The following PLEKHD1 variants were observed in gnomAD, a reference collection of about 807,000 sequenced individuals.
The protein encoded by PLEKHD1 is pleckstrin homology domain-containing family D member 1.
A neutral mutation model predicts 69.2 loss-of-function variants in PLEKHD1; 51 were observed. That is an observed-to-expected ratio of 0.74 (90% CI 0.59 to 0.93). The LOEUF (loss-of-function observed/expected upper bound fraction) is 0.93, where lower values mean the gene tolerates loss of function less well. Among genes scored for constraint, PLEKHD1 ranks in the 40% least tolerant of loss-of-function variants. The pLI is 0.00. For synonymous variants in PLEKHD1, 236 were observed against 244.7 expected (o/e 0.96, Z 0.33); for missense variants, 584 against 641.0 (o/e 0.91, Z 0.96).
At chr14:69,518,016 T>G (rs1410778863) in intron 6 of PLEKHD1, among the ~76,000 whole-genome samples, 2 of 56,682 alleles carry the variant, frequency 3.5e-5, no homozygotes, top group Non-Finnish European at 8.9e-5. Flanking sequence ...ATTTATTTAT[T>G]TATTTATTTA....
rs150904894 is a variant in PLEKHD1 at position 69,528,949 on chromosome 14, A to G, written c.*530A>G. On this transcript the variant is annotated 3_prime_UTR_variant, in exon 13 of 13. Transcript: ENST00000322564. ...TCTGACACTCAGCAAAATGTCCCTC[A>G]GCTGAGACCCCTCATTTACACCACA... 865 of 156,078 alleles carry G rather than the reference A, an allele frequency of 5.5e-3. 14 individuals are homozygous for G. The highest frequency in any genetic ancestry group is 0.02 in the African/African-American group (828 of 41,584). The allele number at this position is 156,078 out of a possible 1,614,324, so 9.7% of individuals were successfully genotyped here. A position where few individuals can be genotyped will look rare whatever the true frequency, so the allele number is the denominator to read the frequency against.
intron 1 of PLEKHD1, among the ~76,000 whole-genome samples, chr14:69,490,813 C>T (rs1882761420): frequency 6.6e-6 from 1 of 152,154 alleles, no homozygotes. Context: ...CTGAAAAGGA[C>T]ACTTCTGAGG....
intron 6 of PLEKHD1, among the ~76,000 whole-genome samples, chr14:69,507,627 G>C (rs1198060009): frequency 6.6e-6 from 1 of 152,208 alleles, no homozygotes; most frequent in Non-Finnish European, 1.5e-5. Flanking sequence ...ATTTGCAGTA[G>C]CAATGAATGA....
chr14:69,468,062 T>C, the PLEKHD1 span, among the ~76,000 whole-genome samples: 1 of 152,210 alleles, frequency 6.6e-6, no homozygotes, highest in East Asian at 1.9e-4. Flanking sequence ...GCCACATTCT[T>C]GAATGTCAGT....
rs1883691032 is a variant in PLEKHD1 at position 69,527,779 on chromosome 14, A to G, written c.1202-4A>G. On this transcript the variant is annotated splice_polypyrimidine_tract_variant and splice_region_variant and intron_variant, in intron 11 of 12. Coordinates refer to ENST00000322564, the MANE Select transcript of PLEKHD1 (RefSeq NM_001161498.2). ...CCCCACCCTTCCTGGCCCTGCCGCC[A>G]CAGGGTTCTTTGAGGAGTGCATCCG... is the stretch of plus-strand genomic sequence containing the variant. 4 of 1,551,414 alleles carry G rather than the reference A, an allele frequency of 2.6e-6. No homozygotes were observed. The highest frequency in any genetic ancestry group is 3.5e-6 in the Non-Finnish European group (4 of 1,146,988).
chr14:69,486,187 A>G (rs1882651965), intron 1 of PLEKHD1, among the ~76,000 whole-genome samples: 1 of 152,140 alleles, frequency 6.6e-6, no homozygotes, highest in Admixed American at 6.5e-5. Flanking sequence ...TCTGCCCCTG[A>G]GCAGAGGGGG....
At chr14:69,499,966 G>A in intron 1 of PLEKHD1, 149 bp from the exon 2 acceptor site, 2 of 627,256 alleles carry the variant, frequency 3.2e-6, no homozygotes, top group East Asian at 2.8e-5. Context: ...CCTTTGTGAG[G>A]GTGTGGAGCT....
At chr14:69,520,622 G>T (rs1040151212) in intron 6 of PLEKHD1, among the ~76,000 whole-genome samples, 2 of 152,036 alleles carry the variant, frequency 1.3e-5, no homozygotes, top group African/African-American at 4.8e-5. Flanking sequence ...CCAGCTACTC[G>T]GGAGGCTGGA....
chr14:69,526,178 C>A, intron 9 of PLEKHD1, 56 bp downstream of exon 9: 1 of 1,477,862 alleles, frequency 6.8e-7, no homozygotes, highest in Non-Finnish European at 9.0e-7. Flanking sequence ...GGGGACTTTC[C>A]TCGAACTGGA....
chr14:69,471,090 CTTTTTTTTTTTTTT>C, the PLEKHD1 span, among the ~76,000 whole-genome samples: 735 of 44,738 alleles, frequency 0.016, 16 homozygotes, highest in African/African-American at 0.058. Context: ...CGTGCCTGGC[CTTTTTTTTTTTTTT>C]TTTTTTTTTT....
At chr14:69,502,917 T>G in intron 6 of PLEKHD1, 38 bp downstream of exon 6, 1 of 1,549,634 alleles carries the variant, frequency 6.5e-7, no homozygotes, top group East Asian at 2.4e-5. Context: ...AGCCGTGGTG[T>G]AATGGCTCAC....
upstream of PLEKHD1, among the ~76,000 whole-genome samples, chr14:69,483,291 G>A (rs560986196): frequency 9.5e-4 from 144 of 152,004 alleles, no homozygotes; most frequent in Non-Finnish European, 1.8e-3. Flanking sequence ...ATAAAATGGG[G>A]AGATCTAGCA....
intron 6 of PLEKHD1, among the ~76,000 whole-genome samples, chr14:69,508,117 TA>T (rs1566560850): frequency 6.6e-6 from 1 of 152,212 alleles, no homozygotes; most frequent in Non-Finnish European, 1.5e-5. Context: ...AATTTTTATT[TA>T]TTTTTTTAGG....
At chr14:69,481,367 G>T (rs929347485), upstream of PLEKHD1, among the ~76,000 whole-genome samples, 1 of 152,170 alleles carries the variant, frequency 6.6e-6, no homozygotes, top group Non-Finnish European at 1.5e-5. Flanking sequence ...CTATCCCTGA[G>T]CACAGCTAAA....
chr14:69,500,401 GC>G (rs1882996484), intron 2 of PLEKHD1, 175 bp from the exon 3 acceptor site: 2 of 691,130 alleles, frequency 2.9e-6, no homozygotes, highest in African/African-American at 1.8e-5. Flanking sequence ...CCCAGACCCT[GC>G]CCCAACCCTT....
At chr14:69,469,678 G>A in the PLEKHD1 span, among the ~76,000 whole-genome samples, 27,968 of 151,964 alleles carry the variant, frequency 0.18, 2,690 homozygotes, top group South Asian at 0.27. Flanking sequence ...CCCAAAGCAC[G>A]GAGACGACTG....
At chr14:69,494,058 G>A (rs546346027) in intron 1 of PLEKHD1, among the ~76,000 whole-genome samples, 48 of 152,320 alleles carry the variant, frequency 3.2e-4, no homozygotes, top group African/African-American at 1.1e-3. Flanking sequence ...AATGGAAAAG[G>A]AGGTCAGGGG....
the PLEKHD1 span, among the ~76,000 whole-genome samples, chr14:69,479,113 G>A: frequency 3.3e-5 from 5 of 152,340 alleles, no homozygotes; most frequent in South Asian, 6.2e-4. Flanking sequence ...CATGTCTCAC[G>A]TGGTGACAGA....
intron 1 of PLEKHD1, among the ~76,000 whole-genome samples, chr14:69,494,696 G>A (rs886542058): frequency 6.6e-6 from 1 of 152,222 alleles, no homozygotes; most frequent in Non-Finnish European, 1.5e-5. Flanking sequence ...CTGGGAAGAC[G>A]TGGCCCCTGG....
Sources: gnomAD v4.1 joint callset for allele counts (sites outside exome capture counted in the v4.1 genomes callset) on GRCh38, gnomAD v4.1.1 for gene constraint, MANE v1.5 for transcripts, NCBI Gene and HGNC (gene_info 2026-07-23, HGNC 2026-07-21) for gene names.